The following SLC35D4 variants were observed in gnomAD, a reference collection of about 807,000 sequenced individuals.
The protein encoded by SLC35D4 is UDP-N-acetylglucosamine transporter SLC35D4.
At chr18:23,316,221 C>A in the SLC35D4 span, among the ~76,000 whole-genome samples, 1 of 152,232 alleles carries the variant, frequency 6.6e-6, no homozygotes, top group South Asian at 2.1e-4. Context: ...GACTCCAGCT[C>A]TCCCACAGGC....
chr18:23,375,253 T>G, the SLC35D4 span, among the ~76,000 whole-genome samples: 1 of 152,116 alleles, frequency 6.6e-6, no homozygotes, highest in Non-Finnish European at 1.5e-5. Context: ...CTAAATTCAA[T>G]GACTGCACTT....
At chr18:23,420,135 C>G in the SLC35D4 span, among the ~76,000 whole-genome samples, 1 of 151,998 alleles carries the variant, frequency 6.6e-6, no homozygotes, top group Admixed American at 6.6e-5. Flanking sequence ...GAAACCCCGT[C>G]TCTACTAAAA....
At chr18:23,413,206 C>T in the SLC35D4 span, among the ~76,000 whole-genome samples, 1 of 152,186 alleles carries the variant, frequency 6.6e-6, no homozygotes, top group Non-Finnish European at 1.5e-5. Context: ...ATCACTGGTT[C>T]TTCCCAGCTC....
At chr18:23,319,305 C>CT in the SLC35D4 span, among the ~76,000 whole-genome samples, 2 of 151,572 alleles carry the variant, frequency 1.3e-5, no homozygotes, top group African/African-American at 4.9e-5. Flanking sequence ...GAGTCTCGCT[C>CT]TGTTGCCCAG....
chr18:23,393,755 T>A, the SLC35D4 span, among the ~76,000 whole-genome samples: 1 of 152,142 alleles, frequency 6.6e-6, no homozygotes, highest in Non-Finnish European at 1.5e-5. Flanking sequence ...GTAGCTGGGA[T>A]TACAGGCACT....
At chr18:23,283,127 G>C in the SLC35D4 span, among the ~76,000 whole-genome samples, 1,649 of 152,278 alleles carry the variant, frequency 0.011, 27 homozygotes, top group African/African-American at 0.038. Flanking sequence ...GACTCCAAGA[G>C]GGTGTTCTTG....
chr18:23,430,589 C>T, the SLC35D4 span: 1 of 1,503,864 alleles, frequency 6.6e-7, no homozygotes, highest in Non-Finnish European at 9.1e-7. Context: ...GGTGGTTGGA[C>T]ATTTCCTAAA....
At chr18:23,416,534 C>T in the SLC35D4 span, among the ~76,000 whole-genome samples, 2 of 152,178 alleles carry the variant, frequency 1.3e-5, no homozygotes, top group East Asian at 1.9e-4. Context: ...AAACCCAGCC[C>T]AGCACACACG....
the SLC35D4 span, among the ~76,000 whole-genome samples, chr18:23,399,986 G>T: frequency 6.6e-6 from 1 of 152,164 alleles, no homozygotes; most frequent in African/African-American, 2.4e-5. Context: ...CAAAAGTTTT[G>T]AATCCACTAC....
the SLC35D4 span, among the ~76,000 whole-genome samples, chr18:23,435,164 A>G: frequency 6.6e-6 from 1 of 152,128 alleles, no homozygotes; most frequent in East Asian, 1.9e-4. Context: ...TCTCAGAAAA[A>G]AAAAAATTAG....
At chr18:23,366,239 C>T in the SLC35D4 span, among the ~76,000 whole-genome samples, 1 of 152,110 alleles carries the variant, frequency 6.6e-6, no homozygotes, top group Admixed American at 6.6e-5. Context: ...CTGATGTGAG[C>T]CCTGTTCATC....
At chr18:23,313,134 A>AAAAAAAAGAAAAAAAAAAG in the SLC35D4 span, among the ~76,000 whole-genome samples, 7 of 132,270 alleles carry the variant, frequency 5.3e-5, no homozygotes, top group African/African-American at 1.8e-4. Context: ...CTCAAAAAAA[A>AAAAAAAAGAAAAAAAAAAG]AAAAAAAAAA....
At chr18:23,253,067 G>A in the SLC35D4 span, 2 of 1,590,118 alleles carry the variant, frequency 1.3e-6, no homozygotes, top group South Asian at 2.2e-5. Context: ...AAATTAGGAG[G>A]TACGGGAGGC....
the SLC35D4 span, among the ~76,000 whole-genome samples, chr18:23,301,834 A>G: frequency 6.6e-6 from 1 of 152,232 alleles, no homozygotes; most frequent in Non-Finnish European, 1.5e-5. Flanking sequence ...ATTTTGAAAT[A>G]GAGGGAATTA....
At chr18:23,407,359 A>AT in the SLC35D4 span, among the ~76,000 whole-genome samples, 1 of 152,238 alleles carries the variant, frequency 6.6e-6, no homozygotes. Context: ...AGGAAGACTG[A>AT]TAGATCTGCC....
At chr18:23,334,820 T>G in the SLC35D4 span, among the ~76,000 whole-genome samples, 1 of 151,880 alleles carries the variant, frequency 6.6e-6, no homozygotes, top group Non-Finnish European at 1.5e-5. Flanking sequence ...CTGGCCAACA[T>G]GGTAAAACCC....
the SLC35D4 span, among the ~76,000 whole-genome samples, chr18:23,263,830 T>TCA: frequency 6.6e-6 from 1 of 152,224 alleles, no homozygotes. Flanking sequence ...TATTCATGTC[T>TCA]CAGCCCCCAA....
chr18:23,271,657 G>T, the SLC35D4 span, among the ~76,000 whole-genome samples: 2 of 152,144 alleles, frequency 1.3e-5, no homozygotes, highest in Non-Finnish European at 2.9e-5. Context: ...TGGGTCTCTA[G>T]ATAGCTTCAG....
the SLC35D4 span, chr18:23,370,170 A>G: frequency 1.9e-6 from 3 of 1,543,638 alleles, no homozygotes; most frequent in Non-Finnish European, 2.6e-6. Flanking sequence ...TTGCACTCCA[A>G]CAAGAGCTAA....
Sources: gnomAD v4.1 joint callset for allele counts (sites outside exome capture counted in the v4.1 genomes callset) on GRCh38, gnomAD v4.1.1 for gene constraint, MANE v1.5 for transcripts, NCBI Gene and HGNC (gene_info 2026-07-23, HGNC 2026-07-21) for gene names.